CDC42EP3: variants seen among roughly 807,000 people sequenced by gnomAD.
CDC42EP3 encodes CDC42 effector protein 3, also known as CDC42 effector protein (Rho GTPase binding) 3.
In CDC42EP3, 4 loss-of-function variants were observed where a neutral mutation model predicts 15.5. That is an observed-to-expected ratio of 0.26 (90% CI 0.13 to 0.59). The LOEUF (loss-of-function observed/expected upper bound fraction) is 0.59. CDC42EP3 is among the 20% of genes least tolerant of loss of function. The pLI, the probability that CDC42EP3 is intolerant of heterozygous loss-of-function variation, is 0.89. For missense variants in CDC42EP3, 309 were observed against 311.2 expected (o/e 0.99, Z 0.05); for synonymous variants, 145 against 130.3 (o/e 1.11, Z -0.77).
intron 1 of CDC42EP3, among the ~76,000 whole-genome samples, chr2:37,661,608 T>C (rs1558342298): frequency 6.6e-6 from 1 of 152,184 alleles, no homozygotes; most frequent in Non-Finnish European, 1.5e-5. Flanking sequence ...TAATCCCATT[T>C]GCGCAGAATG....
chr2:37,655,398 G>A (rs906311848), intron 1 of CDC42EP3, among the ~76,000 whole-genome samples: 1 of 152,170 alleles, frequency 6.6e-6, no homozygotes, highest in Non-Finnish European at 1.5e-5. Context: ...ATTTTTATGG[G>A]ATCTAATTTG....
intron 1 of CDC42EP3, among the ~76,000 whole-genome samples, chr2:37,670,447 A>G (rs1666371869): frequency 6.6e-6 from 1 of 151,382 alleles, no homozygotes; most frequent in Non-Finnish European, 1.5e-5. Context: ...TCATGTTGCA[A>G]TACCCTCCTG....
chr2:37,645,985 G>T lies in CDC42EP3; in HGVS notation c.603C>A (p.Ala201=). The T allele has an allele frequency of 6.2e-7, 1 of 1,613,990 alleles. No individual in the cohort carries two copies. Among genetic ancestry groups the T allele is most frequent in the South Asian group, 1.1e-5 (1 of 91,074 alleles). ...GGGTGGGATGGTCAAACATGTCCTC[G>T]GCTGGCCAGTCGGGGTACTGTTCGG... ...SLSEQYPDWP[A]EDMFDHPTPC... The change falls in exon 2 of 2, where the codon GCC becomes GCA. Residue 201 remains alanine (A), a synonymous_variant. Transcript: ENST00000295324.
chr2:37,651,400 T>C (rs1026592967), intron 1 of CDC42EP3, among the ~76,000 whole-genome samples: 17 of 152,248 alleles, frequency 1.1e-4, no homozygotes, highest in Non-Finnish European at 2.1e-4. Context: ...GCCAATTTTA[T>C]ACATGGCTGT....
chr2:37,652,484 C>G (rs1665721101), intron 1 of CDC42EP3, among the ~76,000 whole-genome samples: 3 of 152,206 alleles, frequency 2.0e-5, no homozygotes, highest in Admixed American at 1.3e-4. Context: ...TCAAAACTCT[C>G]AACACCAGCA....
intron 1 of CDC42EP3, among the ~76,000 whole-genome samples, chr2:37,650,736 G>A (rs1290944033): frequency 6.6e-6 from 1 of 152,168 alleles, no homozygotes; most frequent in Non-Finnish European, 1.5e-5. Context: ...TATGAAAGGG[G>A]TGCATTCCAA....
In CDC42EP3 at chr2:37,644,233, T is replaced by C. The variant is rs1294235502; in HGVS notation, c.*1590A>G. ...AACCCCAAACCCAAAGAAAGAATCG[T>C]TGAAGTGGTTGGGAGAGGAGGTCAT... On this transcript the variant is annotated 3_prime_UTR_variant, in exon 2 of 2. Transcript: ENST00000295324. 1.3e-5 allele frequency: 2 copies of C among 152,088 alleles called. No homozygotes were observed. The highest frequency in any genetic ancestry group is 4.8e-5 in the African/African-American group (2 of 41,402). 9.4% of individuals were successfully genotyped at this position (152,088 alleles called of 1,614,324 possible). A position where few individuals can be genotyped will look rare whatever the true frequency, so the allele number is the denominator to read the frequency against.
chr2:37,658,418 T>G (rs1020069222), intron 1 of CDC42EP3, among the ~76,000 whole-genome samples: 5 of 152,196 alleles, frequency 3.3e-5, no homozygotes, highest in Middle Eastern at 3.2e-3. Flanking sequence ...AGTAGTATTG[T>G]ACAATGGATT....
intron 1 of CDC42EP3, among the ~76,000 whole-genome samples, chr2:37,661,859 A>G (rs1460724686): frequency 2.0e-5 from 3 of 152,288 alleles, no homozygotes; most frequent in Admixed American, 6.5e-5. Flanking sequence ...TTATCTGTTT[A>G]TATATCAGGC....
Position 37,645,912 on chromosome 2 carries a change from CAG to C in CDC42EP3, c.674_675del (p.Ser225Ter). Reference sequence around the variant, plus strand: ...AGGGAGAGGAGGGAACCTGTAAGGTCAGAGAGGGACTCCTCTGACTTAGTCTT... The same window carrying C: ...AGGGAGAGGAGGGAACCTGTAAGGTCAGAGGGACTCCTCTGACTTAGTCTT... ...KGKTKSEESL[S>X]DLTGSLLSLQ... On this transcript the variant is annotated frameshift_variant, in exon 2 of 2. Transcript: ENST00000295324. LOFTEE classifies it high-confidence loss of function. 6.2e-7 allele frequency: 1 copy of C among 1,612,664 alleles called. No individual in the cohort carries two copies.
intron 1 of CDC42EP3, among the ~76,000 whole-genome samples, chr2:37,656,413 T>G (rs1283733681): frequency 6.6e-6 from 1 of 152,234 alleles, no homozygotes; most frequent in Non-Finnish European, 1.5e-5. Flanking sequence ...CCTGCTAGAC[T>G]TTCCATCATG....
intron 1 of CDC42EP3, among the ~76,000 whole-genome samples, chr2:37,659,492 A>C (rs964294061): frequency 6.6e-6 from 1 of 152,250 alleles, no homozygotes; most frequent in Non-Finnish European, 1.5e-5. Flanking sequence ...CAGATAAAAA[A>C]TATAGATCTT....
intron 1 of CDC42EP3, among the ~76,000 whole-genome samples, chr2:37,662,351 G>C (rs1572522377): frequency 6.6e-6 from 1 of 152,254 alleles, no homozygotes; most frequent in East Asian, 1.9e-4. Flanking sequence ...TCAATGGAAG[G>C]GGTAATGTTC....
intron 1 of CDC42EP3, among the ~76,000 whole-genome samples, chr2:37,652,526 G>A (rs1665723426): frequency 6.6e-6 from 1 of 152,140 alleles, no homozygotes; most frequent in Non-Finnish European, 1.5e-5. Flanking sequence ...ATCTGAGGGT[G>A]CTGAGCACAT....
chr2:37,645,883 C>T lies in CDC42EP3; in HGVS notation c.705G>A (p.Gln235=), dbSNP rs1443741125. The T allele has an allele frequency of 1.3e-6, 2 of 1,594,596 alleles. No homozygotes were observed. The highest frequency in any genetic ancestry group is 2.3e-5 in the South Asian group (2 of 87,644). The stretch of plus-strand genomic sequence containing the variant: ...CCAAAAGTGAGGGCCCAAGATCAAG[C>T]TGCAGGGAGAGGAGGGAACCTGTAA... The part of the protein sequence containing the change: ...SDLTGSLLSL[Q]LDLGPSLLDE... The change falls in exon 2 of 2, where the codon CAG becomes CAA. Residue 235 remains glutamine, a synonymous_variant. Coordinates refer to ENST00000295324, the MANE Select transcript of CDC42EP3 (RefSeq NM_006449.5).
intron 1 of CDC42EP3, among the ~76,000 whole-genome samples, chr2:37,652,371 A>T (rs551344479): frequency 6.6e-6 from 1 of 152,096 alleles, no homozygotes; most frequent in East Asian, 1.9e-4. Flanking sequence ...GCTAAACAGG[A>T]AAGGCTTACA....
At chr2:37,669,125 G>A (rs899969962) in intron 1 of CDC42EP3, among the ~76,000 whole-genome samples, 3 of 151,062 alleles carry the variant, frequency 2.0e-5, no homozygotes, top group East Asian at 1.9e-4. Context: ...ATAATAATAC[G>A]ATCAGAGCAG....
In CDC42EP3 at chr2:37,669,065, G is replaced by A. The variant is rs192864829; in HGVS notation, c.-236+2361C>T. ...TCTGGTTAGTAAGAAATGAGACTGGGCCTAGATAAAATCTGACTGAAAGCA... is the reference window on the plus strand; with the variant it reads ...TCTGGTTAGTAAGAAATGAGACTGGACCTAGATAAAATCTGACTGAAAGCA... On this transcript the variant is annotated intron_variant, in intron 1 of 1. Transcript: ENST00000295324. 1.4e-3 allele frequency among the ~76,000 whole-genome samples: 219 copies of A among 152,062 alleles called. 3 individuals are homozygous for A. The highest frequency in any genetic ancestry group is 0.013 in the South Asian group (64 of 4,810).
At chr2:37,668,264 C>G (rs1334327879) in intron 1 of CDC42EP3, among the ~76,000 whole-genome samples, 3 of 152,154 alleles carry the variant, frequency 2.0e-5, no homozygotes, top group Non-Finnish European at 4.4e-5. Context: ...CTATCTCTCT[C>G]AAAGAATAGT....
Sources: gnomAD v4.1 joint callset for allele counts (sites outside exome capture counted in the v4.1 genomes callset) on GRCh38, gnomAD v4.1.1 for gene constraint, MANE v1.5 for transcripts, NCBI Gene and HGNC (gene_info 2026-07-23, HGNC 2026-07-21) for gene names.